The following NAAA variants were observed in gnomAD, a reference collection of about 807,000 sequenced individuals.
The protein encoded by NAAA is N-acylethanolamine acid amidase.
A neutral mutation model predicts 44.8 loss-of-function variants in NAAA; 39 were observed. The observed-to-expected ratio is 0.87, with a 90% CI of 0.67 to 1.14. The LOEUF (loss-of-function observed/expected upper bound fraction) is 1.14, where lower values mean the gene tolerates loss of function less well. NAAA is among the 50% of genes most tolerant of loss of function. The pLI is 0.00. For missense variants in NAAA, 460 were observed against 467.8 expected (o/e 0.98, Z 0.15); for synonymous variants, 178 against 191.3 (o/e 0.93, Z 0.58).
At chr4:75,921,156 C>T (rs1466832365) in intron 5 of NAAA, 33 bp from the exon 6 acceptor site, 2 of 1,542,794 alleles carry the variant, frequency 1.3e-6, no homozygotes, top group Non-Finnish European at 1.7e-6. Context: ...GTGAGCAACC[C>T]CACCTGCAGT....
At chr4:75,921,187 C>T (rs1452194117) in intron 5 of NAAA, 64 bp from the exon 6 acceptor site, 26 of 1,426,574 alleles carry the variant, frequency 1.8e-5, no homozygotes. Flanking sequence ...CCAGATGATG[C>T]AAAAATGATC....
At chr4:75,937,312 G>C (rs910028657) in intron 2 of NAAA, among the ~76,000 whole-genome samples, 4 of 152,166 alleles carry the variant, frequency 2.6e-5, no homozygotes, top group African/African-American at 9.7e-5. Flanking sequence ...CCAGCTATCT[G>C]GGGGGCTGAG....
intron 3 of NAAA, among the ~76,000 whole-genome samples, chr4:75,932,328 G>A (rs772318658): frequency 2.8e-4 from 43 of 151,962 alleles, no homozygotes; most frequent in Non-Finnish European, 1.2e-4. Context: ...TATCAAAGTG[G>A]GACTGTTCAC....
chr4:75,931,391 T>G (rs1264300753), intron 3 of NAAA, 87 bp from the exon 4 acceptor site: 3 of 981,654 alleles, frequency 3.1e-6, no homozygotes, highest in Non-Finnish European at 4.6e-6. Flanking sequence ...TTTCTGGATT[T>G]TTTTTCTTAT....
intron 4 of NAAA, among the ~76,000 whole-genome samples, chr4:75,927,960 G>C (rs148285315): frequency 1.3e-5 from 2 of 152,224 alleles, no homozygotes; most frequent in East Asian, 3.9e-4. Flanking sequence ...CATCACATGT[G>C]CTCCCAAAAT....
intron 4 of NAAA, among the ~76,000 whole-genome samples, chr4:75,930,679 A>G (rs1402760181): frequency 1.3e-5 from 2 of 152,038 alleles, no homozygotes; most frequent in Admixed American, 6.6e-5. Context: ...ACATCTGTTC[A>G]CTCCCTGGCC....
At chr4:75,918,698 T>C (rs1725857857) in intron 9 of NAAA, 63 bp downstream of exon 9, 3 of 1,556,586 alleles carry the variant, frequency 1.9e-6, no homozygotes, top group Admixed American at 1.7e-5. Context: ...AGCCAAACAG[T>C]ACGTGAGTGA....
chr4:75,925,242 A>G (rs573287424), intron 5 of NAAA, among the ~76,000 whole-genome samples: 2 of 152,272 alleles, frequency 1.3e-5, no homozygotes, highest in East Asian at 1.9e-4. Flanking sequence ...TCACTGTGTT[A>G]GCCAGGATGG....
Position 75,940,917 on chromosome 4 carries a change from C to T in NAAA, c.33G>A (p.Gly11=). MRTADREARP[G]LPSLLLLLLA... ...GCAGCAGCAGCAGCAGGGACGGAAG[C>T]CCCGGGCGCGCCTCCCGGTCCGCGG... Residue 11 remains glycine (G), a synonymous_variant, in exon 1 of 11, where the codon GGG becomes GGA. Coordinates refer to ENST00000286733, the MANE Select transcript of NAAA (RefSeq NM_014435.4). 5 of 1,506,934 alleles carry T rather than the reference C, an allele frequency of 3.3e-6. No homozygotes were observed. Among genetic ancestry groups the T allele is most frequent in the Non-Finnish European group, 3.5e-6 (4 of 1,136,468 alleles). The allele number at this position is 1,506,934 out of a possible 1,614,324, so 93.3% of individuals were successfully genotyped here. A position where few individuals can be genotyped will look rare whatever the true frequency, so the allele number is the denominator to read the frequency against.
At chr4:75,940,242 G>A (rs765417919) in intron 1 of NAAA, 77 bp from the exon 2 acceptor site, 194 of 1,511,170 alleles carry the variant, frequency 1.3e-4, no homozygotes, top group Non-Finnish European at 1.6e-4. Flanking sequence ...CTGCGAGCGG[G>A]GCTACATCCT....
intron 3 of NAAA, among the ~76,000 whole-genome samples, chr4:75,932,567 C>T (rs145587171): frequency 2.6e-4 from 40 of 152,234 alleles, no homozygotes; most frequent in African/African-American, 8.2e-4. Flanking sequence ...ACTGCAGCCT[C>T]GACCTCCTGG....
chr4:75,938,272 A>C (rs1451755177), intron 2 of NAAA, among the ~76,000 whole-genome samples: 1 of 152,260 alleles, frequency 6.6e-6, no homozygotes, highest in Non-Finnish European at 1.5e-5. Flanking sequence ...TGGTGCTATT[A>C]GGCAATTCAA....
chr4:75,929,116 A>G (rs1481368708), intron 4 of NAAA, among the ~76,000 whole-genome samples: 1 of 152,056 alleles, frequency 6.6e-6, no homozygotes, highest in Admixed American at 6.6e-5. Flanking sequence ...AGATGAGGAA[A>G]CTGAAGCACC....
intron 5 of NAAA, among the ~76,000 whole-genome samples, chr4:75,924,319 T>G (rs1199186561): frequency 6.6e-6 from 1 of 152,258 alleles, no homozygotes; most frequent in African/African-American, 2.4e-5. Flanking sequence ...TTAAGTACGA[T>G]AAGCGTTCCT....
At chr4:75,931,689 T>A (rs1252294985) in intron 3 of NAAA, among the ~76,000 whole-genome samples, 3 of 152,216 alleles carry the variant, frequency 2.0e-5, no homozygotes, top group Non-Finnish European at 4.4e-5. Context: ...GCTGCAGTTA[T>A]TTTGAAACAC....
At chr4:75,929,127 G>A (rs1177146839) in intron 4 of NAAA, among the ~76,000 whole-genome samples, 10 of 152,148 alleles carry the variant, frequency 6.6e-5, no homozygotes, top group Admixed American at 2.0e-4. Context: ...CTGAAGCACC[G>A]ACAGGTTAAA....
downstream of NAAA, among the ~76,000 whole-genome samples, chr4:75,912,584 G>T (rs1725375038): frequency 6.6e-6 from 1 of 151,330 alleles, no homozygotes; most frequent in Non-Finnish European, 1.5e-5. Flanking sequence ...AATTTAGCCT[G>T]GCCAACATGG....
chr4:75,936,798 G>A (rs1256200349), intron 2 of NAAA, among the ~76,000 whole-genome samples: 1 of 152,168 alleles, frequency 6.6e-6, no homozygotes, highest in African/African-American at 2.4e-5. Flanking sequence ...TTTAAAAAAG[G>A]GGGAATCTCT....
At chr4:75,924,900 C>G (rs188024665) in intron 5 of NAAA, among the ~76,000 whole-genome samples, 89 of 152,298 alleles carry the variant, frequency 5.8e-4, no homozygotes, top group African/African-American at 1.9e-3. Context: ...TGAGAAAACT[C>G]CAGGCTGTCA....
Sources: gnomAD v4.1 joint callset for allele counts (sites outside exome capture counted in the v4.1 genomes callset) on GRCh38, gnomAD v4.1.1 for gene constraint, MANE v1.5 for transcripts, NCBI Gene and HGNC (gene_info 2026-07-23, HGNC 2026-07-21) for gene names.